The following TRIM51G variants were observed in gnomAD, a reference collection of about 807,000 sequenced individuals.
TRIM51G encodes the protein tripartite motif-containing 51G.
chr11:48,976,278 A>C, the TRIM51G span, among the ~76,000 whole-genome samples: 1 of 152,198 alleles, frequency 6.6e-6, no homozygotes, highest in Non-Finnish European at 1.5e-5. Context: ...CCAATGTAAA[A>C]GTGAAATATT....
the TRIM51G span, among the ~76,000 whole-genome samples, chr11:48,982,800 T>G: frequency 2.8e-5 from 4 of 141,562 alleles, no homozygotes; most frequent in Admixed American, 2.2e-4. Context: ...GTCTCGTTAT[T>G]GTTTGAACAT....
chr11:48,978,101 A>G, the TRIM51G span: 1 of 506,278 alleles, frequency 2.0e-6, no homozygotes, highest in Non-Finnish European at 4.1e-6. Flanking sequence ...ATTTGTGGAA[A>G]CTGAAAGAAT....
chr11:48,981,247 G>A, the TRIM51G span: 1 of 1,599,796 alleles, frequency 6.3e-7, no homozygotes, highest in South Asian at 1.1e-5. Flanking sequence ...AATTCCATGT[G>A]TCCTGTATAG....
the TRIM51G span, chr11:48,979,213 T>C: frequency 1.8e-6 from 1 of 564,866 alleles, no homozygotes; most frequent in Non-Finnish European, 3.4e-6. Flanking sequence ...ATCTTGTCAA[T>C]TCTCAGATTC....
the TRIM51G span, chr11:48,981,834 A>G: frequency 1.0e-6 from 1 of 959,788 alleles, no homozygotes; most frequent in Admixed American, 2.3e-5. Context: ...CCTCTGTAAC[A>G]AAAATGAAAA....
chr11:48,982,229 C>A, the TRIM51G span, among the ~76,000 whole-genome samples: 1 of 152,056 alleles, frequency 6.6e-6, no homozygotes, highest in African/African-American at 2.4e-5. Context: ...ACAATTAAAC[C>A]AGTCTAGGCT....
At chr11:48,977,052 TTG>T in the TRIM51G span, 3 of 771,196 alleles carry the variant, frequency 3.9e-6, no homozygotes, top group Non-Finnish European at 7.0e-6. Flanking sequence ...AAGTAATACA[TTG>T]TGGGAATTTT....
the TRIM51G span, among the ~76,000 whole-genome samples, chr11:48,978,719 G>A: frequency 6.6e-6 from 1 of 152,070 alleles, no homozygotes; most frequent in African/African-American, 2.4e-5. Context: ...CACTAGGAGA[G>A]GCTGTACCCT....
At chr11:48,978,855 C>T in the TRIM51G span, 1 of 1,102,636 alleles carries the variant, frequency 9.1e-7, no homozygotes, top group Non-Finnish European at 1.4e-6. Context: ...TCATGATAAC[C>T]CATGGTCAGT....
chr11:48,979,400 T>C, the TRIM51G span, among the ~76,000 whole-genome samples: 17 of 152,266 alleles, frequency 1.1e-4, no homozygotes, highest in Admixed American at 9.2e-4. Context: ...AATCAAAATA[T>C]CAAGTTATGC....
the TRIM51G span, among the ~76,000 whole-genome samples, chr11:48,982,947 GTATATATACATA>G: frequency 0.17 from 14,627 of 86,198 alleles, 1,876 homozygotes; most frequent in African/African-American, 0.29. Flanking sequence ...AGTATTTTTG[GTATATATACATA>G]TATATATATA....
chr11:48,979,467 A>G, the TRIM51G span, among the ~76,000 whole-genome samples: 1 of 152,072 alleles, frequency 6.6e-6, no homozygotes, highest in Non-Finnish European at 1.5e-5. Context: ...GTTATGTAAA[A>G]CCATTATATG....
the TRIM51G span, among the ~76,000 whole-genome samples, chr11:48,982,440 T>C: frequency 3.9e-5 from 6 of 152,066 alleles, no homozygotes; most frequent in Admixed American, 1.3e-4. Context: ...GGAGAATTGG[T>C]ATAGCATTAT....
the TRIM51G span, chr11:48,981,449 G>T: frequency 6.2e-7 from 1 of 1,607,378 alleles, no homozygotes; most frequent in Admixed American, 1.7e-5. Flanking sequence ...AGGAATTGCC[G>T]GAGGCTGGCT....
chr11:48,978,748 G>A, the TRIM51G span: 6 of 574,100 alleles, frequency 1.0e-5, no homozygotes, highest in African/African-American at 1.0e-4. Context: ...AGTAGCATTA[G>A]TTATAGAATC....
chr11:48,979,957 C>T, the TRIM51G span, among the ~76,000 whole-genome samples: 4 of 151,618 alleles, frequency 2.6e-5, no homozygotes. Context: ...TTTGTCTGAC[C>T]ACCCTATTTA....
At chr11:48,978,914 A>T in the TRIM51G span, 54 of 1,579,968 alleles carry the variant, frequency 3.4e-5, no homozygotes, top group Non-Finnish European at 4.1e-5. Context: ...TTTGCCTCAG[A>T]TCCTCATACA....
chr11:48,980,850 G>A, the TRIM51G span: 12 of 455,600 alleles, frequency 2.6e-5, no homozygotes, highest in South Asian at 1.3e-4. Context: ...TATTTTAAGA[G>A]TCACCCATTT....
the TRIM51G span, among the ~76,000 whole-genome samples, chr11:48,980,604 T>C: frequency 6.6e-6 from 1 of 152,124 alleles, no homozygotes; most frequent in Non-Finnish European, 1.5e-5. Flanking sequence ...GTCCAGAATT[T>C]ATCCAGGCAG....
Sources: allele counts gnomAD v4.1 joint callset (sites outside exome capture counted in the v4.1 genomes callset), GRCh38; gene constraint gnomAD v4.1.1; transcripts MANE v1.5; gene names NCBI Gene and HGNC (gene_info 2026-07-23, HGNC 2026-07-21).